Variants in TTF1 observed in about 807,000 individuals in gnomAD.
TTF1 encodes the protein transcription termination factor 1.
TTF1 carries 64 observed loss-of-function variants against 80.2 expected under a neutral mutation model. The observed-to-expected ratio is 0.80, with a 90% CI of 0.65 to 0.98. The LOEUF is 0.98. Among genes scored for constraint, TTF1 ranks in the 50% least tolerant of loss-of-function variants. The pLI is 0.00. For synonymous variants in TTF1, 372 were observed against 382.7 expected, an observed-to-expected ratio of 0.97 and a Z score of 0.33; for missense variants, 1,023 against 1,086.2, an observed-to-expected ratio of 0.94 and a Z score of 0.82.
At chr9:132,377,970 TGA>T (rs1322895170) in intron 10 of TTF1, among the ~76,000 whole-genome samples, 1 of 130,506 alleles carries the variant, frequency 7.7e-6, no homozygotes, top group African/African-American at 3.0e-5. Context: ...GTGGTGTGTG[TGA>T]GTGCATGCAT....
rs751556816 is a variant in TTF1 at position 132,398,196 on chromosome 9, C to A, written c.1722G>T (p.Glu574Asp). Reference sequence around the variant, plus strand: ...TTAAGTTGGTGATCACAGATTTTTCCTCAGGATATCTGTCCGTGTACAGCA... The same window carrying A: ...TTAAGTTGGTGATCACAGATTTTTCATCAGGATATCTGTCCGTGTACAGCA... ...DKLLYTDRYP[E>D]EKSVITNLKR... Residue 574 changes from glutamate to aspartate, a missense_variant, in exon 4 of 11, where the codon GAG (glutamate) becomes GAT (aspartate). Glu to Asp is a conservative substitution (Grantham distance 45). Transcript: ENST00000334270. The A allele has an allele frequency of 1.9e-6, 3 of 1,585,652 alleles. No individual in the cohort carries two copies. The highest frequency in any genetic ancestry group is 2.6e-6 in the Non-Finnish European group (3 of 1,171,384).
At chr9:132,377,418 GTGCATGCATGTGGTGTGA>G (rs1849220383) in intron 10 of TTF1, among the ~76,000 whole-genome samples, 1 of 95,404 alleles carries the variant, frequency 1.0e-5, no homozygotes, top group African/African-American at 4.4e-5. Flanking sequence ...GTGTGTGTGA[GTGCATGCATGTGGTGTGA>G]GTGCATGCAT....
rs1849572075 is a variant in TTF1 at position 132,392,167 on chromosome 9, A to C, written c.1896T>G (p.His632Gln). The change falls in exon 6 of 11, where the codon CAT becomes CAG. Residue 632 changes from histidine (H) to glutamine (Q), a missense_variant. Coordinates refer to ENST00000334270, the MANE Select transcript of TTF1 (RefSeq NM_007344.4). ...TCTTCCAGTCATTCCCAAGGAGAGA[A>C]TGGTACATCTTTAACTTCTCAGTAT... ...EGDTEKLKMY[H>Q]SLLGNDWKTI... The C allele has an allele frequency of 2.5e-6, 4 of 1,614,058 alleles. No homozygotes were observed. Among genetic ancestry groups the C allele is most frequent in the Admixed American group, 1.7e-5 (1 of 59,994 alleles).
chr9:132,397,075 G>A (rs184074895), intron 4 of TTF1, among the ~76,000 whole-genome samples: 72 of 152,258 alleles, frequency 4.7e-4, no homozygotes, highest in Admixed American at 2.7e-3. Context: ...ACAATCACCA[G>A]TTTCCTTGGA....
At position 132,392,575 on chromosome 9, in the gene TTF1, T is replaced by C. The variant is rs115462377; in HGVS notation, c.1857-369A>G. Among the ~76,000 whole-genome samples the C allele has an allele frequency of 5.2e-3, 753 of 145,668 alleles. 6 individuals carry two copies. The highest frequency in any genetic ancestry group is 0.019 in the African/African-American group (716 of 37,344). ...TCGGGGAGCGCCTCCCTGACCCCCTTAGCCTGAAGTCCCCGTTGATTGCTC... is the reference window on the plus strand; with the variant it reads ...TCGGGGAGCGCCTCCCTGACCCCCTCAGCCTGAAGTCCCCGTTGATTGCTC... On this transcript the variant is annotated intron_variant, in intron 5 of 10. Coordinates refer to ENST00000334270, the MANE Select transcript of TTF1 (RefSeq NM_007344.4).
chr9:132,401,951 A>C lies in TTF1; in HGVS notation c.871T>G (p.Leu291Val), dbSNP rs769426254. ...KKSNHQEFEALAMPEGSQVGS... is the reference protein window; with the variant it reads ...KKSNHQEFEAVAMPEGSQVGS... ...ACTTGTGATCCTTCAGGCATGGCCA[A>C]TGCCTCAAATTCCTGGTGATTGGAC... The change falls in exon 2 of 11, where the codon TTG becomes GTG. Residue 291 changes from leucine (L) to valine (V), a missense_variant. Transcript: ENST00000334270. The C allele has an allele frequency of 6.2e-7, 1 of 1,611,208 alleles. No individual in the cohort carries two copies. Among genetic ancestry groups the C allele is most frequent in the Non-Finnish European group, 8.5e-7 (1 of 1,179,442 alleles).
intron 9 of TTF1, among the ~76,000 whole-genome samples, chr9:132,386,310 T>C (rs1222050102): frequency 6.6e-6 from 1 of 152,186 alleles, no homozygotes; most frequent in Non-Finnish European, 1.5e-5. Context: ...TAGTGATGTA[T>C]TTAGTGTCAT....
rs910456258 is a variant in TTF1 at position 132,376,262 on chromosome 9, T to G, written c.2465-94A>C. The G allele has an allele frequency of 8.4e-5, 111 of 1,326,034 alleles. 1 individual carries two copies. The highest frequency in any genetic ancestry group is 1.1e-4 in the Non-Finnish European group (108 of 983,232). 82.1% of individuals were successfully genotyped at this position (1,326,034 alleles called of 1,614,324 possible). A position where few individuals can be genotyped will look rare whatever the true frequency, so the allele number is the denominator to read the frequency against. On this transcript the variant is annotated intron_variant, in intron 10 of 10. Transcript: ENST00000334270. ...CAGGAGGCTGGTAATGAATATGAAC[T>G]GCTCTTGTTATTGCTGTGTGTAAGG...
intron 5 of TTF1, among the ~76,000 whole-genome samples, chr9:132,392,545 C>T (rs487913): frequency 0.99 from 150,765 of 152,268 alleles, 74,662 homozygotes; most frequent in East Asian, 1. Context: ...TTAAAGGGTG[C>T]GTTTTCGGGG....
chr9:132,389,182 C>CTTTTTT (rs548985050), intron 7 of TTF1, among the ~76,000 whole-genome samples: 1 of 135,136 alleles, frequency 7.4e-6, no homozygotes, highest in African/African-American at 2.8e-5. Flanking sequence ...CTCACTCTTC[C>CTTTTTT]TTTTTTTTTT....
intron 8 of TTF1, among the ~76,000 whole-genome samples, chr9:132,386,893 A>G (rs576105919): frequency 6.6e-6 from 1 of 152,324 alleles, no homozygotes; most frequent in African/African-American, 2.4e-5. Flanking sequence ...TCACAGTAAA[A>G]AACACCACCT....
At position 132,376,115 on chromosome 9, in the gene TTF1, C is replaced by T. The variant is rs771500064; in HGVS notation, c.2518G>A (p.Glu840Lys). ...TTLPLLKEKL[E>K]KMMEKKGTKI... ...GTGCCTTTTTTCTCCATCATTTTTT[C>T]TAACTTTTCCTTCAGCAAAGGTAGA... The change falls in exon 11 of 11, where the codon GAA (glutamate) becomes AAA (lysine). Residue 840 changes from glutamate (E) to lysine (K), a missense_variant. Transcript: ENST00000334270. 2.8e-5 allele frequency: 45 copies of T among 1,613,984 alleles called. No individual in the cohort carries two copies. The highest frequency in any genetic ancestry group is 3.6e-5 in the Non-Finnish European group (43 of 1,180,040).
chr9:132,378,375 TGGTG>T (rs1240853833), intron 10 of TTF1, among the ~76,000 whole-genome samples: 2 of 38,244 alleles, frequency 5.2e-5, no homozygotes, highest in Non-Finnish European at 1.5e-4. Context: ...TGAATGCATG[TGGTG>T]TGTGTGAGTG....
intron 4 of TTF1, among the ~76,000 whole-genome samples, 153 bp downstream of exon 4, chr9:132,397,985 CAAA>C (rs749084307): frequency 1.5e-5 from 2 of 129,860 alleles, no homozygotes; most frequent in Non-Finnish European, 1.7e-5. Context: ...GACTCCGTCT[CAAA>C]AAAAAAAAAA....
Position 132,390,809 on chromosome 9 carries a change from A to G in TTF1, c.2010T>C (p.Ser670=), listed in dbSNP as rs943275796. The stretch of plus-strand genomic sequence containing the variant: ...TGATTAGTTTCCGGGTTTCAGACTT[A>G]CTCCAAGCACCACGATTTCTTTCTG... ...ISSQRNRGAW[S]KSETRKLIKA... Residue 670 remains serine, a synonymous_variant, in exon 7 of 11, where the codon AGT becomes AGC. Coordinates refer to ENST00000334270, the MANE Select transcript of TTF1 (RefSeq NM_007344.4). The G allele has an allele frequency of 2.5e-6, 4 of 1,614,056 alleles. No homozygotes were observed. Among genetic ancestry groups the G allele is most frequent in the Non-Finnish European group, 3.4e-6 (4 of 1,179,998 alleles).
chr9:132,404,543 T>C (rs994714029), intron 1 of TTF1, among the ~76,000 whole-genome samples: 2 of 152,144 alleles, frequency 1.3e-5, no homozygotes, highest in African/African-American at 4.8e-5. Flanking sequence ...ATCTCTCTCC[T>C]GTATCTTCAG....
At chr9:132,401,347 A>ATAAC in intron 2 of TTF1, 108 bp downstream of exon 2, 1 of 1,000,970 alleles carries the variant, frequency 1.0e-6, no homozygotes, top group Non-Finnish European at 1.3e-6. Context: ...AAATAAATAA[A>ATAAC]TAAAAATAAA....
At position 132,402,135 on chromosome 9, in the gene TTF1, C is replaced by G. The variant is rs775989369; in HGVS notation, c.687G>C (p.Arg229=). The G allele has an allele frequency of 6.2e-7, 1 of 1,614,078 alleles. No individual in the cohort carries two copies. Among genetic ancestry groups the G allele is most frequent in the South Asian group, 1.1e-5 (1 of 91,066 alleles). ...SKKKKKKSSN[R]EYETLAMPEG... is the part of the protein sequence containing the mutation. ...CAGGCATGGCCAGTGTCTCATATTCCCGGTTACTGGACTTTTTCTTTTTTT... is the reference window on the plus strand; with the variant it reads ...CAGGCATGGCCAGTGTCTCATATTCGCGGTTACTGGACTTTTTCTTTTTTT... The change falls in exon 2 of 11, where the codon CGG becomes CGC. Residue 229 remains arginine (R), a synonymous_variant. Coordinates refer to ENST00000334270, the MANE Select transcript of TTF1 (RefSeq NM_007344.4).
intron 6 of TTF1, among the ~76,000 whole-genome samples, chr9:132,391,715 C>A (rs1168071902): frequency 6.6e-6 from 1 of 152,214 alleles, no homozygotes; most frequent in African/African-American, 2.4e-5. Flanking sequence ...AAGTCCCCGC[C>A]TGACGGGCAC....
Sources: gnomAD v4.1 joint callset for allele counts (sites outside exome capture counted in the v4.1 genomes callset) on GRCh38, gnomAD v4.1.1 for gene constraint, MANE v1.5 for transcripts, NCBI Gene and HGNC (gene_info 2026-07-23, HGNC 2026-07-21) for gene names.